The following DYNC1I1 variants were observed in gnomAD, a reference collection of about 807,000 sequenced individuals.
DYNC1I1 encodes the protein dynein cytoplasmic 1 intermediate chain 1, also known as cytoplasmic dynein 1 intermediate chain 1.
A neutral mutation model predicts 86.6 loss-of-function variants in DYNC1I1; 43 were observed. That is an observed-to-expected ratio of 0.50 (90% CI 0.39 to 0.64). The LOEUF is 0.64. DYNC1I1 is among the 30% of genes least tolerant of loss of function. DYNC1I1 has a pLI of 0.00. For missense variants in DYNC1I1, 604 were observed against 788.8 expected (o/e 0.77, Z 2.81); for synonymous variants, 262 against 283.7 (o/e 0.92, Z 0.77).
intron 13 of DYNC1I1, 80 bp from the exon 14 acceptor site, chr7:96,039,197 T>TTTTTG (rs985674709): frequency 3.6e-5 from 53 of 1,488,466 alleles, no homozygotes; most frequent in Non-Finnish European, 4.1e-5. Flanking sequence ...AGTTGAGGGT[T>TTTTTG]TTTTGTTTTG....
Position 95,883,141 on chromosome 7 carries a change from A to G in DYNC1I1, c.490+13143A>G, listed in dbSNP as rs563350760. 1.2e-3 allele frequency among the ~76,000 whole-genome samples: 180 copies of G among 152,330 alleles called. 3 individuals carry two copies. The highest frequency in any genetic ancestry group is 0.012 in the Admixed American group (178 of 15,306). ...TAGCACCTTTTATCAACTCATTGGA[A>G]TTAGAAATTGCAACCATGGTTTGAG... On this transcript the variant is annotated intron_variant, in intron 6 of 16. Coordinates refer to ENST00000447467, the MANE Select transcript of DYNC1I1 (RefSeq NM_001135556.2).
At chr7:96,057,445 G>A (rs1004800344) in intron 14 of DYNC1I1, among the ~76,000 whole-genome samples, 1 of 152,066 alleles carries the variant, frequency 6.6e-6, no homozygotes, top group African/African-American at 2.4e-5. Context: ...TTAGAATTTG[G>A]TCTGTTAAAT....
chr7:95,912,672 C>CTGCCA (rs1791368665), intron 6 of DYNC1I1, among the ~76,000 whole-genome samples: 1 of 152,190 alleles, frequency 6.6e-6, no homozygotes, highest in East Asian at 1.9e-4. Context: ...CCTCTTTGAC[C>CTGCCA]AACATGCCAG....
At chr7:96,103,275 C>T (rs1466512921), downstream of DYNC1I1, among the ~76,000 whole-genome samples, 1 of 152,134 alleles carries the variant, frequency 6.6e-6, no homozygotes, top group African/African-American at 2.4e-5. Flanking sequence ...CAGGATGAAC[C>T]TTGAAAGACA....
At chr7:95,885,564 A>G (rs999942043) in intron 6 of DYNC1I1, among the ~76,000 whole-genome samples, 1 of 152,098 alleles carries the variant, frequency 6.6e-6, no homozygotes, top group Non-Finnish European at 1.5e-5. Context: ...CTGCAGGCTC[A>G]ACCTCCTGGG....
intron 16 of DYNC1I1, among the ~76,000 whole-genome samples, chr7:96,108,968 G>A (rs1322129647): frequency 6.6e-6 from 1 of 151,700 alleles, no homozygotes; most frequent in Admixed American, 6.6e-5. Flanking sequence ...TATCTTTCAA[G>A]GAATCTATTT....
Position 96,039,283 on chromosome 7 carries a change from A to G in DYNC1I1, c.1371A>G (p.Ala457=). ...VYTACRHGSK[A]GIGEVFEGHQ... is the part of the protein sequence containing the mutation. ...ATGTGTGCTCTTCCTACAGCAAAGCAGGTATTGGTGAGGTCTTTGAAGGTC... is the reference window on the plus strand; with the variant it reads ...ATGTGTGCTCTTCCTACAGCAAAGCGGGTATTGGTGAGGTCTTTGAAGGTC... The change falls in exon 14 of 17, where the codon GCA becomes GCG. Residue 457 remains alanine (A), a synonymous_variant. Transcript: ENST00000447467. The G allele has an allele frequency of 6.2e-7, 1 of 1,613,622 alleles. No individual in the cohort carries two copies. The highest frequency in any genetic ancestry group is 1.1e-5 in the South Asian group (1 of 91,016).
intron 1 of DYNC1I1, among the ~76,000 whole-genome samples, chr7:95,785,776 T>C (rs1349605231): frequency 0.099 from 148 of 1,494 alleles, 1 homozygote; most frequent in Non-Finnish European, 0.13. Flanking sequence ...TGTGTATGTG[T>C]ATATATATAT....
At chr7:95,903,475 GAAGTA>G (rs1284113816) in intron 6 of DYNC1I1, among the ~76,000 whole-genome samples, 1 of 152,168 alleles carries the variant, frequency 6.6e-6, no homozygotes, top group African/African-American at 2.4e-5. Flanking sequence ...GAACCCAGAA[GAAGTA>G]AAAGTGAAGA....
rs975391701 is a variant in DYNC1I1, at chr7:95,897,217, G to T, written c.490+27219G>T. On this transcript the variant is annotated intron_variant, in intron 6 of 16. Transcript: ENST00000447467. ...TCCCCAGGTTCCTAAGCAGGAAGCAGGAAAAGCAACAAACCAGAGAAAGTC... is the reference window on the plus strand; with the variant it reads ...TCCCCAGGTTCCTAAGCAGGAAGCATGAAAAGCAACAAACCAGAGAAAGTC... Among the ~76,000 whole-genome samples the T allele has an allele frequency of 3.3e-5, 5 of 152,282 alleles. No individual in the cohort carries two copies. In the East Asian group the frequency reaches 9.7e-4, roughly 29 times the overall value.
At chr7:95,976,117 A>T (rs1026673654) in intron 6 of DYNC1I1, among the ~76,000 whole-genome samples, 1 of 152,202 alleles carries the variant, frequency 6.6e-6, no homozygotes, top group South Asian at 2.1e-4. Flanking sequence ...TTTTCATCTC[A>T]TAACTGTGAC....
intron 16 of DYNC1I1, among the ~76,000 whole-genome samples, chr7:96,093,506 G>C (rs963498213): frequency 4.6e-5 from 7 of 152,156 alleles, no homozygotes; most frequent in African/African-American, 1.7e-4. Flanking sequence ...ATCTCTTTTA[G>C]AGTTAAGATT....
At chr7:96,001,909 A>T (rs1388375172) in intron 10 of DYNC1I1, among the ~76,000 whole-genome samples, 1 of 152,230 alleles carries the variant, frequency 6.6e-6, no homozygotes, top group Non-Finnish European at 1.5e-5. Context: ...CTTTGAAATG[A>T]TAAAAGTATT....
At chr7:96,087,784 A>C (rs564601674) in intron 16 of DYNC1I1, among the ~76,000 whole-genome samples, 2 of 152,322 alleles carry the variant, frequency 1.3e-5, no homozygotes, top group South Asian at 4.1e-4. Context: ...TTACAGCCCC[A>C]ATGCTGTGCT....
chr7:96,033,741 G>A (rs1006430616), intron 12 of DYNC1I1, among the ~76,000 whole-genome samples: 9 of 152,158 alleles, frequency 5.9e-5, no homozygotes, highest in African/African-American at 2.2e-4. Context: ...AGGGCACGGT[G>A]GCTCACACTT....
chr7:96,087,475 A>C (rs1366013294), intron 16 of DYNC1I1, among the ~76,000 whole-genome samples: 1 of 152,184 alleles, frequency 6.6e-6, no homozygotes, highest in African/African-American at 2.4e-5. Flanking sequence ...TTTCTCATTA[A>C]ATGAGTGTGG....
At chr7:95,854,654 T>C (rs753956172) in intron 5 of DYNC1I1, among the ~76,000 whole-genome samples, 18 of 152,306 alleles carry the variant, frequency 1.2e-4, no homozygotes, top group Admixed American at 2.6e-4. Flanking sequence ...GTTTCAGATG[T>C]TTTTGTGTTA....
At chr7:95,901,380 AT>A (rs1791033055) in intron 6 of DYNC1I1, among the ~76,000 whole-genome samples, 2 of 152,214 alleles carry the variant, frequency 1.3e-5, no homozygotes, top group Admixed American at 6.5e-5. Flanking sequence ...AGTAGAATGT[AT>A]CATTGCATCT....
chr7:95,949,934 C>T (rs979738832), intron 6 of DYNC1I1, among the ~76,000 whole-genome samples: 1 of 151,656 alleles, frequency 6.6e-6, no homozygotes, highest in African/African-American at 2.4e-5. Flanking sequence ...TGATAAAGGG[C>T]CTTAGGCTAG....
Sources: gnomAD v4.1 joint callset for allele counts (sites outside exome capture counted in the v4.1 genomes callset) on GRCh38, gnomAD v4.1.1 for gene constraint, MANE v1.5 for transcripts, NCBI Gene and HGNC (gene_info 2026-07-23, HGNC 2026-07-21) for gene names.